The following LRRC3B variants were observed in gnomAD, a reference collection of about 807,000 sequenced individuals.
LRRC3B encodes leucine rich repeat containing 3B, also known as leucine-rich repeat-containing protein 3B.
A neutral mutation model predicts 12.8 loss-of-function variants in LRRC3B; 2 were observed. The observed-to-expected ratio is 0.16, with a 90% CI of 0.06 to 0.49. LRRC3B has a LOEUF of 0.49. Ranked by LOEUF, LRRC3B falls within the 20% of genes least tolerant of loss-of-function variation. LRRC3B has a pLI of 0.96. For synonymous variants in LRRC3B, 132 were observed against 122.0 expected, an observed-to-expected ratio of 1.08 and a Z score of -0.54; for missense variants, 189 against 319.4, an observed-to-expected ratio of 0.59 and a Z score of 3.11.
intron 1 of LRRC3B, among the ~76,000 whole-genome samples, chr3:26,675,631 C>G: frequency 6.6e-6 from 1 of 152,262 alleles, no homozygotes; most frequent in African/African-American, 2.4e-5. Flanking sequence ...GAATAACCAA[C>G]TGTTTTTCTT....
intron 1 of LRRC3B, among the ~76,000 whole-genome samples, chr3:26,689,385 G>C (rs1201320624): frequency 6.6e-6 from 1 of 152,184 alleles, no homozygotes; most frequent in Non-Finnish European, 1.5e-5. Context: ...GACCAGTCCT[G>C]ACAGGTTAAA....
intron 1 of LRRC3B, among the ~76,000 whole-genome samples, chr3:26,703,886 G>A (rs1700519067): frequency 6.6e-6 from 1 of 151,764 alleles, no homozygotes; most frequent in Non-Finnish European, 1.5e-5. Flanking sequence ...GTTGCTTTCT[G>A]AGGCATTAAA....
rs569770038 is a variant in LRRC3B, at chr3:26,709,621, C to T, written c.-52C>T. The T allele has an allele frequency of 2.2e-5, 35 of 1,568,126 alleles. No individual in the cohort carries two copies. Among genetic ancestry groups the T allele is most frequent in the East Asian group, 1.6e-4 (7 of 44,542 alleles). On this transcript the variant is annotated 5_prime_UTR_variant, in exon 2 of 2. It adds an upstream start codon to the 5' untranslated region. Transcript: ENST00000396641. ...GTGGACAGGGCTGGAACCTTTACCACGCTTGTTGGAGTAGATGAGGAATGG... is the reference window on the plus strand; with the variant it reads ...GTGGACAGGGCTGGAACCTTTACCATGCTTGTTGGAGTAGATGAGGAATGG...
chr3:26,704,901 A>C (rs1355951273), intron 1 of LRRC3B, among the ~76,000 whole-genome samples: 1 of 152,180 alleles, frequency 6.6e-6, no homozygotes, highest in Non-Finnish European at 1.5e-5. Flanking sequence ...TTAAATTAAA[A>C]GCCCTTCCTG....
chr3:26,671,348 G>GTATATATATATA (rs1559361621), intron 1 of LRRC3B, among the ~76,000 whole-genome samples: 3 of 66,364 alleles, frequency 4.5e-5, no homozygotes, highest in African/African-American at 1.9e-4. Context: ...GTATATATGT[G>GTATATATATATA]TGTATATATA....
At chr3:26,694,327 TAATA>T (rs1333941194) in intron 1 of LRRC3B, among the ~76,000 whole-genome samples, 3 of 152,342 alleles carry the variant, frequency 2.0e-5, no homozygotes, top group Middle Eastern at 6.8e-3. Context: ...CAATCTGGGT[TAATA>T]AATACTTTAC....
chr3:26,679,983 A>G (rs1300597734), intron 1 of LRRC3B, among the ~76,000 whole-genome samples: 3 of 152,206 alleles, frequency 2.0e-5, no homozygotes, highest in Non-Finnish European at 4.4e-5. Context: ...TACAGAGCTC[A>G]CTTGCTTTTC....
rs148852219 is a variant in LRRC3B at position 26,657,076 on chromosome 3, C to T, written c.-161+33839C>T. Reference sequence around the variant, plus strand: ...GTATACAACTCAGTAGCATATGATACAGTTTTTAAAAATGATTAAATATCA... The same window carrying T: ...GTATACAACTCAGTAGCATATGATATAGTTTTTAAAAATGATTAAATATCA... On this transcript the variant is annotated intron_variant, in intron 1 of 1. Coordinates refer to ENST00000396641, the Ensembl canonical transcript of LRRC3B. 2.9e-3 allele frequency among the ~76,000 whole-genome samples: 449 copies of T among 152,206 alleles called. 3 individuals are homozygous for T. The highest frequency in any genetic ancestry group is 0.01 in the African/African-American group (432 of 41,520).
chr3:26,659,415 T>G (rs1176401143), intron 1 of LRRC3B, among the ~76,000 whole-genome samples: 1 of 152,208 alleles, frequency 6.6e-6, no homozygotes, highest in Non-Finnish European at 1.5e-5. Flanking sequence ...ATCTGCAAGG[T>G]GGGCCTAAGA....
intron 1 of LRRC3B, chr3:26,694,447 C>CCTAA (rs779198150): frequency 5.6e-4 from 85 of 152,136 alleles, no homozygotes; most frequent in Admixed American, 1.5e-3. Flanking sequence ...CGCTCAGACA[C>CCTAA]CTAACTTTCC....
At chr3:26,679,838 A>G (rs951871050) in intron 1 of LRRC3B, among the ~76,000 whole-genome samples, 3 of 152,142 alleles carry the variant, frequency 2.0e-5, no homozygotes, top group Non-Finnish European at 4.4e-5. Flanking sequence ...ATAAGAAACT[A>G]TCTGTTAAAT....
intron 1 of LRRC3B, among the ~76,000 whole-genome samples, chr3:26,630,538 G>A (rs1413762245): frequency 1.3e-5 from 2 of 152,156 alleles, no homozygotes; most frequent in African/African-American, 4.8e-5. Context: ...TTTCGAAGTA[G>A]GAATGGGCAT....
At chr3:26,684,207 A>G (rs1343183857) in intron 1 of LRRC3B, among the ~76,000 whole-genome samples, 1 of 152,196 alleles carries the variant, frequency 6.6e-6, no homozygotes, top group Admixed American at 6.5e-5. Context: ...GTGCTTTCTG[A>G]TAGTATCCAA....
At chr3:26,641,307 TG>T (rs1364598528) in intron 1 of LRRC3B, among the ~76,000 whole-genome samples, 1 of 152,104 alleles carries the variant, frequency 6.6e-6, no homozygotes, top group Admixed American at 6.5e-5. Flanking sequence ...ACTAGGAAAC[TG>T]GGGGTGGAGA....
chr3:26,674,066 A>G (rs562571691), intron 1 of LRRC3B, among the ~76,000 whole-genome samples: 2 of 152,352 alleles, frequency 1.3e-5, no homozygotes, highest in South Asian at 4.1e-4. Flanking sequence ...AATCATTTAA[A>G]TCACTTGAAT....
At chr3:26,654,856 G>A (rs1699337750) in intron 1 of LRRC3B, among the ~76,000 whole-genome samples, 1 of 152,160 alleles carries the variant, frequency 6.6e-6, no homozygotes, top group Admixed American at 6.5e-5. Flanking sequence ...CTGGAAAAAA[G>A]CAGAAATTAT....
intron 1 of LRRC3B, among the ~76,000 whole-genome samples, chr3:26,642,674 T>C (rs192118106): frequency 6.6e-6 from 1 of 152,232 alleles, no homozygotes; most frequent in Non-Finnish European, 1.5e-5. Context: ...GGTCCAGCTC[T>C]AGGTCAATGA....
chr3:26,691,353 G>A (rs578045908), intron 1 of LRRC3B, among the ~76,000 whole-genome samples: 2 of 151,888 alleles, frequency 1.3e-5, no homozygotes, highest in South Asian at 2.1e-4. Context: ...TGATTTGATG[G>A]ACAGTGGTTC....
At chr3:26,703,767 A>G (rs1478924974) in intron 1 of LRRC3B, among the ~76,000 whole-genome samples, 1 of 151,478 alleles carries the variant, frequency 6.6e-6, no homozygotes, top group African/African-American at 2.4e-5. Flanking sequence ...GTCCGTTTGT[A>G]TATTCAGTCT....
Sources: gnomAD v4.1 joint callset for allele counts (sites outside exome capture counted in the v4.1 genomes callset) on GRCh38, gnomAD v4.1.1 for gene constraint, MANE v1.5 for transcripts, NCBI Gene and HGNC (gene_info 2026-07-23, HGNC 2026-07-21) for gene names.